Variants in TAF7L observed in about 807,000 individuals in gnomAD.
The protein encoded by TAF7L is transcription initiation factor TFIID subunit 7-like.
A neutral mutation model predicts 30.2 loss-of-function variants in TAF7L; 6 were observed. The ratio of observed to expected loss-of-function variants is 0.20; its 90% CI spans 0.11 to 0.39. The LOEUF is 0.39. Among genes scored for constraint, TAF7L ranks in the 10% least tolerant of loss-of-function variants. The pLI is 1.00. For synonymous variants in TAF7L, 93 were observed against 94.5 expected, an observed-to-expected ratio of 0.98 and a Z score of 0.09; for missense variants, 284 against 277.1, an observed-to-expected ratio of 1.03 and a Z score of -0.18.
chrX:101,278,085 T>C lies in TAF7L; in HGVS notation c.541A>G (p.Arg181Gly), dbSNP rs1246348346. 8.3e-7 allele frequency: 1 copy of C among 1,209,627 alleles called. No homozygotes were observed. Among genetic ancestry groups the C allele is most frequent in the Non-Finnish European group, 1.1e-6 (1 of 894,947 alleles). The change falls in exon 8 of 13, where the codon AGA (arginine) becomes GGA (glycine). Residue 181 changes from arginine to glycine, a missense_variant. Arg to Gly is a moderately radical substitution (Grantham distance 125, BLOSUM62 -2). Coordinates refer to ENST00000356784, the MANE Select transcript of TAF7L (RefSeq NM_001168474.2). ...ESPDVENEVK[R>G]LLRSDAEAVS... ...GCTTCAGCATCCGAACGCAGCAGTC[T>C]CTTTACTTCATTTTCCACGTCTGGA...
upstream of TAF7L, among the ~76,000 whole-genome samples, chrX:101,291,613 T>TCCCA (rs1159304113): frequency 2.7e-5 from 3 of 111,609 alleles, no homozygotes; most frequent in Admixed American, 9.5e-5. Context: ...ACGACTGTAA[T>TCCCA]CCCAGTACTT....
intron 10 of TAF7L, 95 bp from the exon 11 acceptor site, chrX:101,276,207 A>G: frequency 8.4e-7 from 1 of 1,185,432 alleles, no homozygotes; most frequent in Non-Finnish European, 1.1e-6. Context: ...CATCGAAGCG[A>G]TAACTTCTTG....
At chrX:101,278,515 G>C (rs750534874) in intron 7 of TAF7L, among the ~76,000 whole-genome samples, 3 of 111,791 alleles carry the variant, frequency 2.7e-5, no homozygotes, top group Non-Finnish European at 5.6e-5. Flanking sequence ...CAAATTCCCA[G>C]ATTTCACTTC....
chrX:101,288,542 C>T (rs866725340), intron 1 of TAF7L, among the ~76,000 whole-genome samples: 3 of 92,173 alleles, frequency 3.3e-5, no homozygotes, highest in Non-Finnish European at 6.4e-5. Context: ...TTGATTTATT[C>T]GTTACTACCC....
At chrX:101,277,503 GT>G (rs368681162) in intron 9 of TAF7L, 102 bp downstream of exon 9, 13,244 of 292,837 alleles carry the variant, frequency 0.045, 5 homozygotes, top group East Asian at 0.069. Flanking sequence ...TTTTTTCTGG[GT>G]TTTTTTTTTT....
intron 6 of TAF7L, among the ~76,000 whole-genome samples, chrX:101,279,970 A>AC (rs202194785): frequency 1.0e-3 from 111 of 108,951 alleles, no homozygotes; most frequent in Middle Eastern, 4.7e-3. Context: ...AACAACAACA[A>AC]AAAAAAAACC....
intron 1 of TAF7L, 79 bp downstream of exon 1, chrX:101,291,145 T>TGCGGGGTGCACCGCG (rs1483328221): frequency 9.1e-6 from 4 of 439,523 alleles, no homozygotes; most frequent in Non-Finnish European, 1.1e-5. Context: ...TGGGGAGGGC[T>TGCGGGGTGCACCGCG]GCGGGGTGCA....
chrX:101,291,166 G>A (rs1924782138), intron 1 of TAF7L, 58 bp downstream of exon 1: 1 of 566,627 alleles, frequency 1.8e-6, no homozygotes. Flanking sequence ...CCGCGGCGGG[G>A]TGCACACTGG....
At chrX:101,293,034 G>T (rs112829363), upstream of TAF7L, 1 of 1,209,182 alleles carries the variant, frequency 8.3e-7, no homozygotes, top group African/African-American at 1.8e-5. Context: ...GCTGTCCCTC[G>T]GGGCACTCCA....
chrX:101,283,550 T>A lies in TAF7L; in HGVS notation c.179A>T (p.Asp60Val), dbSNP rs1020579003. ...AACCAGCTTAGCAGCTAGTGGGACA[T>A]CTTCTACTTCAACAACTGCATGGCG... ...DGRHAVVEVEDVPLAAKLVDL... is the reference protein window; with the variant it reads ...DGRHAVVEVEVVPLAAKLVDL... Residue 60 changes from aspartate (D) to valine (V), a missense_variant, in exon 4 of 13, where the codon GAT becomes GTT. Physicochemically the swap from Asp to Val is radical, Grantham distance 152. Transcript: ENST00000356784. 2 of 1,210,155 alleles carry A rather than the reference T, an allele frequency of 1.7e-6. No individual in the cohort carries two copies. Among genetic ancestry groups the A allele is most frequent in the African/African-American group, 3.5e-5 (2 of 57,341 alleles).
At chrX:101,291,837 G>A (rs1262058886), upstream of TAF7L, among the ~76,000 whole-genome samples, 1 of 103,307 alleles carries the variant, frequency 9.7e-6, no homozygotes, top group African/African-American at 3.6e-5. Context: ...CTGCACTCCA[G>A]CCTGGCGACA....
At chrX:101,289,463 TTTG>T (rs1924725774) in intron 1 of TAF7L, among the ~76,000 whole-genome samples, 5 of 112,406 alleles carry the variant, frequency 4.4e-5, no homozygotes, top group African/African-American at 1.3e-4. Flanking sequence ...GTTTTCATTA[TTTG>T]TTTTTCAATT....
In TAF7L at chrX:101,269,242, A is replaced by G; in HGVS notation, c.1087-5T>C. 1 of 1,200,945 alleles carries G rather than the reference A, an allele frequency of 8.3e-7. No homozygotes were observed. Among genetic ancestry groups the G allele is most frequent in the Non-Finnish European group, 1.1e-6 (1 of 888,109 alleles). The stretch of plus-strand genomic sequence containing the variant: ...CTGTTCCTGTAGGGAAATGAGCTGT[A>G]GGGAGAGGTAGAAAGACATGAAAAA... On this transcript the variant is annotated splice_region_variant and splice_polypyrimidine_tract_variant and intron_variant, in intron 12 of 12. Transcript: ENST00000356784.
intron 12 of TAF7L, 100 bp from the exon 13 acceptor site, chrX:101,269,337 T>A: frequency 1.3e-6 from 1 of 754,307 alleles, no homozygotes; most frequent in Non-Finnish European, 2.0e-6. Context: ...GAACTACTGT[T>A]ATTTGGCATT....
At chrX:101,284,302 A>T (rs1182453706) in intron 3 of TAF7L, among the ~76,000 whole-genome samples, 1 of 112,374 alleles carries the variant, frequency 8.9e-6, no homozygotes, top group Non-Finnish European at 1.9e-5. Flanking sequence ...TGTGGTATTG[A>T]GGTTGGGGCA....
intron 7 of TAF7L, 58 bp downstream of exon 7, chrX:101,278,936 G>A: frequency 3.9e-6 from 4 of 1,018,441 alleles, no homozygotes; most frequent in Non-Finnish European, 5.5e-6. Context: ...TGAAACTAAT[G>A]AGCTATTAAA....
intron 11 of TAF7L, among the ~76,000 whole-genome samples, chrX:101,275,660 G>A (rs1924138715): frequency 9.0e-6 from 1 of 111,424 alleles, no homozygotes; most frequent in Non-Finnish European, 1.9e-5. Flanking sequence ...TCTATAAAAT[G>A]GGAGTGGTGA....
In TAF7L at chrX:101,276,072, C is replaced by A; in HGVS notation, c.954G>T (p.Lys318Asn). 1.7e-6 allele frequency: 2 copies of A among 1,202,986 alleles called. No individual in the cohort carries two copies. The highest frequency in any genetic ancestry group is 2.2e-6 in the Non-Finnish European group (2 of 891,786). Residue 318 changes from lysine to asparagine, a missense_variant, in exon 11 of 13, where the codon AAG (lysine) becomes AAT (asparagine). Lys to Asn is a moderately conservative substitution (Grantham distance 94). Transcript: ENST00000356784. The stretch of plus-strand genomic sequence containing the variant: ...GTGCTTTATTCTGAATCTTATGGAG[C>A]TTTTTCTCCTTTTTCTCAATCTGCT... ...IQKQIEKKEK[K>N]LHKIQNKAQR...
intron 12 of TAF7L, 48 bp from the exon 13 acceptor site, chrX:101,269,285 G>A (rs1923893140): frequency 2.7e-5 from 29 of 1,087,310 alleles, no homozygotes; most frequent in Non-Finnish European, 3.4e-5. Context: ...GAAATTTGAG[G>A]TCCCATTACT....
Sources: gnomAD v4.1 joint callset for allele counts (sites outside exome capture counted in the v4.1 genomes callset) on GRCh38, gnomAD v4.1.1 for gene constraint, MANE v1.5 for transcripts, NCBI Gene and HGNC (gene_info 2026-07-23, HGNC 2026-07-21) for gene names.